The following RPS6KA2 variants were observed in gnomAD, a reference collection of about 807,000 sequenced individuals.
RPS6KA2 encodes the protein ribosomal protein S6 kinase alpha-2.
In RPS6KA2, 42 loss-of-function variants were observed where a neutral mutation model predicts 91.8. That is an observed-to-expected ratio of 0.46 (90% confidence interval 0.36 to 0.59). The LOEUF (loss-of-function observed/expected upper bound fraction) is 0.59, where lower values mean the gene tolerates loss of function less well. RPS6KA2 is among the 20% of genes least tolerant of loss of function. The pLI, the probability that RPS6KA2 is intolerant of heterozygous loss-of-function variation, is 0.00. For synonymous variants in RPS6KA2, 414 were observed against 393.6 expected, an observed-to-expected ratio of 1.05 and a Z score of -0.61; for missense variants, 798 against 978.5, an observed-to-expected ratio of 0.82 and a Z score of 2.46.
intron 2 of RPS6KA2, among the ~76,000 whole-genome samples, chr6:166,696,760 C>T (rs1026348268): frequency 2.2e-4 from 33 of 152,276 alleles, no homozygotes; most frequent in African/African-American, 7.7e-4. Flanking sequence ...ACAGAAAAGC[C>T]AACTCCCCCA....
At chr6:166,858,241 T>A in exon 2 of RPS6KA2, 1 of 1,540,554 alleles carries the variant, frequency 6.5e-7, no homozygotes, top group South Asian at 1.1e-5. Flanking sequence ...ACATCCAGGT[T>A]GAGATCCTCC....
intron 2 of RPS6KA2, among the ~76,000 whole-genome samples, chr6:166,643,244 A>G (rs528271521): frequency 6.6e-6 from 1 of 152,368 alleles, no homozygotes; most frequent in African/African-American, 2.4e-5. Flanking sequence ...AAATCAAAAT[A>G]TGTAAAAAAA....
At chr6:166,703,506 A>G (rs1254131082) in intron 2 of RPS6KA2, among the ~76,000 whole-genome samples, 1 of 152,246 alleles carries the variant, frequency 6.6e-6, no homozygotes, top group Non-Finnish European at 1.5e-5. Flanking sequence ...AGATAGAGAT[A>G]CCGTGTAGTT....
chr6:166,830,975 G>A (rs1002945253), intron 2 of RPS6KA2, among the ~76,000 whole-genome samples: 5 of 152,152 alleles, frequency 3.3e-5, no homozygotes, highest in Non-Finnish European at 5.9e-5. Flanking sequence ...TGGGTCACAC[G>A]CTGTGGTTGG....
intron 1 of RPS6KA2, among the ~76,000 whole-genome samples, chr6:166,578,171 T>C (rs143773216): frequency 1.3e-3 from 201 of 152,296 alleles, no homozygotes; most frequent in African/African-American, 4.7e-3. Context: ...AACAGACTAA[T>C]ACAACAGGAT....
At position 166,563,358 on chromosome 6, in the gene RPS6KA2, T is replaced by C. The variant is rs891960676; in HGVS notation, c.100-24574A>G. Among the ~76,000 whole-genome samples the C allele has an allele frequency of 2.0e-5, 3 of 152,212 alleles. No homozygotes were observed. Among genetic ancestry groups the C allele is most frequent in the African/African-American group, 7.2e-5 (3 of 41,452 alleles). ...TGTTCCTTCTTTTCCGCAGCTCACC[T>C]GTTCCCGGCTTTTCCTCCCAGTCTC... is the stretch of plus-strand genomic sequence containing the variant. On this transcript the variant is annotated intron_variant, in intron 1 of 20. Coordinates refer to ENST00000265678, the MANE Select transcript of RPS6KA2 (RefSeq NM_021135.6). The surrounding 1 kb of genome is among the most constrained non-coding windows in gnomAD (Gnocchi z 4.1).
chr6:166,550,248 C>T (rs927989759), intron 1 of RPS6KA2, among the ~76,000 whole-genome samples: 6 of 152,096 alleles, frequency 3.9e-5, no homozygotes, highest in Admixed American at 6.6e-5. Context: ...ATAAACTATG[C>T]GACATTCCCT....
upstream of RPS6KA2, among the ~76,000 whole-genome samples, chr6:166,629,742 CCT>C (rs1313113376): frequency 6.6e-6 from 1 of 152,172 alleles, no homozygotes; most frequent in Admixed American, 6.5e-5. Flanking sequence ...GCTTGGTAGA[CCT>C]CTGAGTATCT....
chr6:166,834,921 T>C (rs560244079), intron 2 of RPS6KA2, among the ~76,000 whole-genome samples: 1 of 152,288 alleles, frequency 6.6e-6, no homozygotes, highest in African/African-American at 2.4e-5. Context: ...CCAGCGATGA[T>C]TTATTCTATC....
At chr6:166,772,899 A>G (rs906006893) in intron 2 of RPS6KA2, among the ~76,000 whole-genome samples, 6 of 152,146 alleles carry the variant, frequency 3.9e-5, no homozygotes, top group African/African-American at 1.4e-4. Context: ...AATGTTGTTA[A>G]CTCCCCTGAA....
At chr6:166,574,337 C>T (rs1410303311) in intron 1 of RPS6KA2, among the ~76,000 whole-genome samples, 1 of 152,162 alleles carries the variant, frequency 6.6e-6, no homozygotes, top group East Asian at 1.9e-4. Context: ...CAGCAGCCCC[C>T]AGCGTCTGTT....
intron 1 of RPS6KA2, among the ~76,000 whole-genome samples, chr6:166,568,433 G>A (rs958617440): frequency 3.1e-4 from 47 of 151,888 alleles, no homozygotes; most frequent in African/African-American, 1.1e-3. Flanking sequence ...GGCCAACATG[G>A]CAAAACTCTG....
At chr6:166,573,356 C>T (rs912488500) in intron 1 of RPS6KA2, among the ~76,000 whole-genome samples, 2 of 152,236 alleles carry the variant, frequency 1.3e-5, no homozygotes, top group African/African-American at 4.8e-5. Context: ...GGGTCCACTG[C>T]TGCACCTAGG....
rs1428149833 is a variant in RPS6KA2 at position 166,490,828 on chromosome 6, C to T, written c.748-87G>A. 1.1e-6 allele frequency: 1 copy of T among 943,458 alleles called. No individual in the cohort carries two copies. The highest frequency in any genetic ancestry group is 1.7e-6 in the Non-Finnish European group (1 of 600,900). The allele number at this position is 943,458 out of a possible 1,614,324, so 58.4% of individuals were successfully genotyped here. A position where few individuals can be genotyped will look rare whatever the true frequency, so the allele number is the denominator to read the frequency against. ...AGTACCCCAGCAGGGCAGCCTGCTA[C>T]CGTGTCCATTTCCTCATGCAAAATC... On this transcript the variant is annotated intron_variant, in intron 8 of 20. Coordinates refer to ENST00000265678, the MANE Select transcript of RPS6KA2 (RefSeq NM_021135.6). The surrounding 1 kb of genome is among the most constrained non-coding windows in gnomAD (Gnocchi z 4.2).
chr6:166,418,911 A>T lies in RPS6KA2; in HGVS notation c.1821-569T>A, dbSNP rs1245341712. The stretch of plus-strand genomic sequence containing the variant: ...GGAAAGGAAGGACACGTGTGCTGCC[A>T]GCGCTTCCTCTAGTGGGAAAGTGTG... On this transcript the variant is annotated intron_variant, in intron 18 of 20. Coordinates refer to ENST00000265678, the MANE Select transcript of RPS6KA2 (RefSeq NM_021135.6). This position sits in a 1 kb window ranked among gnomAD's most constrained non-coding sequence, Gnocchi z 4.9. Among the ~76,000 whole-genome samples the T allele has an allele frequency of 3.3e-5, 5 of 152,380 alleles. No homozygotes were observed. Among genetic ancestry groups the T allele is most frequent in the Admixed American group, 6.5e-5 (1 of 15,308 alleles).
chr6:166,785,046 A>T (rs1418042475), intron 2 of RPS6KA2, among the ~76,000 whole-genome samples: 1 of 152,202 alleles, frequency 6.6e-6, no homozygotes, highest in Admixed American at 6.5e-5. Flanking sequence ...CACTCTCTGT[A>T]TACACGTGTC....
chr6:166,509,330 A>G (rs1782381265), intron 4 of RPS6KA2: 1 of 170,214 alleles, frequency 5.9e-6, no homozygotes, highest in African/African-American at 2.4e-5. Flanking sequence ...AGTAATGTAA[A>G]TGACACGTGG....
rs563207528 is a variant in RPS6KA2 at position 166,469,329 on chromosome 6, T to G, written c.972+512A>C. ...ATTCCAACAACTCGGCACTGTTGTTTTTTTTTTTTTTTTTTAAATGTGACT... is the reference window on the plus strand; with the variant it reads ...ATTCCAACAACTCGGCACTGTTGTTGTTTTTTTTTTTTTTTAAATGTGACT... On this transcript the variant is annotated intron_variant, in intron 11 of 20. Transcript: ENST00000265678. 5.4e-3 allele frequency among the ~76,000 whole-genome samples: 818 copies of G among 150,842 alleles called. 6 individuals are homozygous for G. The highest frequency in any genetic ancestry group is 0.024 in the South Asian group (114 of 4,782).
At chr6:166,708,486 T>C (rs1473524077) in intron 2 of RPS6KA2, among the ~76,000 whole-genome samples, 1 of 152,250 alleles carries the variant, frequency 6.6e-6, no homozygotes, top group Admixed American at 6.5e-5. Context: ...CTTTATCAGG[T>C]TGTTGAAAAC....
Sources: allele counts gnomAD v4.1 joint callset (sites outside exome capture counted in the v4.1 genomes callset), GRCh38; gene constraint gnomAD v4.1.1; non-coding constraint Gnocchi (gnomAD v3.1); transcripts MANE v1.5; gene names NCBI Gene and HGNC (gene_info 2026-07-23, HGNC 2026-07-21).